ZNF451: variants seen among roughly 807,000 people sequenced by gnomAD.
The protein encoded by ZNF451 is zinc finger protein 451.
Under a neutral mutation model 107.1 loss-of-function variants are expected in ZNF451, and 80 were observed. The observed-to-expected ratio is 0.75, with a 90% confidence interval of 0.62 to 0.90. The LOEUF (loss-of-function observed/expected upper bound fraction) is 0.90. Among genes scored for constraint, ZNF451 ranks in the 40% least tolerant of loss-of-function variants. The probability of loss-of-function intolerance (pLI) is 0.00; values close to 1 mark genes in which losing one functional copy is unlikely to be tolerated. For synonymous variants in ZNF451, 362 were observed against 406.5 expected, an observed-to-expected ratio of 0.89 and a Z score of 1.32; for missense variants, 1,107 against 1,236.2, an observed-to-expected ratio of 0.90 and a Z score of 1.57.
At chr6:57,109,879 A>G (rs1393074902) in intron 3 of ZNF451, among the ~76,000 whole-genome samples, 3 of 152,242 alleles carry the variant, frequency 2.0e-5, no homozygotes. Flanking sequence ...TTTGTCAGAC[A>G]TCTTTTTCAG....
intron 3 of ZNF451, chr6:57,107,730 G>T (rs1245272064): frequency 1.0e-6 from 1 of 985,064 alleles, no homozygotes; most frequent in Non-Finnish European, 1.2e-6. Context: ...TTCTCAGGCT[G>T]TCTGTATTTT....
chr6:57,134,942 G>A, intron 7 of ZNF451, 72 bp downstream of exon 7: 1 of 1,333,038 alleles, frequency 7.5e-7, no homozygotes, highest in East Asian at 2.3e-5. Context: ...GTTTTTTCCT[G>A]CTGTTCTTAA....
chr6:57,108,492 C>T (rs1350902825), intron 3 of ZNF451: 4 of 985,182 alleles, frequency 4.1e-6, no homozygotes, highest in Non-Finnish European at 4.8e-6. Flanking sequence ...AACGTTTCCC[C>T]AAGTCACTAA....
chr6:57,142,615 G>T (rs1443630656), intron 9 of ZNF451, among the ~76,000 whole-genome samples: 2 of 152,174 alleles, frequency 1.3e-5, no homozygotes, highest in Non-Finnish European at 2.9e-5. Context: ...AGATAGTTGG[G>T]TTGTTTACAA....
intron 5 of ZNF451, among the ~76,000 whole-genome samples, chr6:57,131,222 T>C (rs910820498): frequency 7.2e-5 from 11 of 152,158 alleles, no homozygotes; most frequent in African/African-American, 2.7e-4. Flanking sequence ...AATCCATTCT[T>C]TATGGGTTTT....
At chr6:57,133,019 G>A (rs775923456) in intron 5 of ZNF451, 23 bp from the exon 6 acceptor site, 17 of 1,613,002 alleles carry the variant, frequency 1.1e-5, no homozygotes, top group Non-Finnish European at 1.4e-5. Flanking sequence ...AATAACCTAA[G>A]AATTCATATT....
chr6:57,143,365 A>G (rs1283778192), intron 9 of ZNF451, among the ~76,000 whole-genome samples: 1 of 151,900 alleles, frequency 6.6e-6, no homozygotes, highest in Admixed American at 6.6e-5. Flanking sequence ...ATCTATTTCA[A>G]ATTTTTGTTG....
At chr6:57,108,397 G>A in intron 3 of ZNF451, 1 of 985,372 alleles carries the variant, frequency 1.0e-6, no homozygotes, top group Non-Finnish European at 1.2e-6. Flanking sequence ...TATAAATGTA[G>A]TAATGTGTTA....
At chr6:57,161,362 C>T (rs564001626) in intron 14 of ZNF451, among the ~76,000 whole-genome samples, 1 of 151,846 alleles carries the variant, frequency 6.6e-6, no homozygotes, top group Non-Finnish European at 1.5e-5. Flanking sequence ...CAATTATGGC[C>T]CTTGGGTCAA....
At chr6:57,113,265 C>T (rs1830193385) in intron 3 of ZNF451, among the ~76,000 whole-genome samples, 1 of 151,682 alleles carries the variant, frequency 6.6e-6, no homozygotes, top group African/African-American at 2.4e-5. Flanking sequence ...TGTGTTAGTT[C>T]ACTAAGCCCT....
At chr6:57,126,171 A>T (rs527526525) in intron 4 of ZNF451, among the ~76,000 whole-genome samples, 1 of 152,286 alleles carries the variant, frequency 6.6e-6, no homozygotes, top group African/African-American at 2.4e-5. Context: ...GTAAATGGTC[A>T]TTCATTTTAT....
intron 3 of ZNF451, chr6:57,103,063 C>CTCT: frequency 1.0e-6 from 1 of 985,384 alleles, no homozygotes; most frequent in African/African-American, 1.7e-5. Flanking sequence ...GCATCACACT[C>CTCT]TAAATACAAA....
chr6:57,157,328 TTC>T (rs1763475124), intron 13 of ZNF451, among the ~76,000 whole-genome samples: 1 of 152,188 alleles, frequency 6.6e-6, no homozygotes, highest in Admixed American at 6.5e-5. Context: ...CTTTGCTAAT[TTC>T]TCTGTTAATT....
Position 57,156,098 on chromosome 6 carries a change from G to C in ZNF451, c.3070+2051G>C, listed in dbSNP as rs145027268. 2.8e-3 allele frequency among the ~76,000 whole-genome samples: 432 copies of C among 152,052 alleles called. 3 individuals carry two copies. The highest frequency in any genetic ancestry group is 4.1e-3 in the Non-Finnish European group (281 of 67,984). On this transcript the variant is annotated intron_variant, in intron 13 of 14. Transcript: ENST00000370706. ...TAAAGTGTCTAGCACAGTATATAAA[G>C]CACTTTAGCTATTTAACAAATAATA...
At chr6:57,134,679 G>T in intron 6 of ZNF451, 65 bp from the exon 7 acceptor site, 1 of 1,469,432 alleles carries the variant, frequency 6.8e-7, no homozygotes, top group South Asian at 1.2e-5. Flanking sequence ...CAAATGAAGC[G>T]ACATAGTTGT....
chr6:57,114,851 A>T (rs1291685813), intron 3 of ZNF451: 1 of 152,212 alleles, frequency 6.6e-6, no homozygotes, highest in East Asian at 1.9e-4. Flanking sequence ...ATTAGAAAAT[A>T]AATGTAAAAA....
rs190193043 is a variant in ZNF451, at chr6:57,147,530, G to A, written c.1445G>A (p.Ser482Asn). The change falls in exon 10 of 15, where the codon AGT becomes AAT. Residue 482 changes from serine (S) to asparagine (N), a missense_variant. Ser to Asn is a conservative substitution (Grantham distance 46). Coordinates refer to ENST00000370706, the MANE Select transcript of ZNF451 (RefSeq NM_001031623.3). ...TGTGAATGCAATCAGCGATTCCCAA[G>A]TGAAGATGCAGTAGAAAAGCATGTT... ...WFCECNQRFP[S>N]EDAVEKHVFS... 166 of 1,614,158 alleles carry A rather than the reference G, an allele frequency of 1.0e-4. No homozygotes were observed. The highest frequency in any genetic ancestry group is 8.3e-5 in the Admixed American group (5 of 60,012).
chr6:57,130,627 G>A (rs1380170179), intron 5 of ZNF451, among the ~76,000 whole-genome samples: 1 of 152,104 alleles, frequency 6.6e-6, no homozygotes, highest in Non-Finnish European at 1.5e-5. Context: ...TGGTAGTCGG[G>A]CCAGTAATAT....
chr6:57,117,887 G>A (rs1016927605), intron 3 of ZNF451, among the ~76,000 whole-genome samples: 34 of 152,224 alleles, frequency 2.2e-4, no homozygotes, highest in African/African-American at 7.2e-4. Flanking sequence ...TCAATTCAAG[G>A]ATAGTTCTTC....
Sources: allele counts gnomAD v4.1 joint callset (sites outside exome capture counted in the v4.1 genomes callset), GRCh38; gene constraint gnomAD v4.1.1; transcripts MANE v1.5; gene names NCBI Gene and HGNC (gene_info 2026-07-23, HGNC 2026-07-21).